Variants in PIKFYVE observed in about 807,000 individuals in gnomAD.
PIKFYVE encodes the protein 1-phosphatidylinositol 3-phosphate 5-kinase.
In PIKFYVE, 122 loss-of-function variants were observed where a neutral mutation model predicts 257.9. The ratio of observed to expected loss-of-function variants is 0.47; its 90% CI spans 0.41 to 0.55. The LOEUF (loss-of-function observed/expected upper bound fraction) is 0.55. PIKFYVE is among the 20% of genes least tolerant of loss of function. PIKFYVE has a pLI of 0.00. For synonymous variants in PIKFYVE, 892 were observed against 868.9 expected, an observed-to-expected ratio of 1.03 and a Z score of -0.47; for missense variants, 2,160 against 2,536.6, an observed-to-expected ratio of 0.85 and a Z score of 3.19.
At chr2:208,347,363 AAAG>A (rs1444920745) in intron 34 of PIKFYVE, among the ~76,000 whole-genome samples, 1 of 152,244 alleles carries the variant, frequency 6.6e-6, no homozygotes, top group Non-Finnish European at 1.5e-5. Context: ...AAGATGCTAA[AAAG>A]GAAATCTTAT....
At chr2:208,325,242 T>G (rs200599714) in intron 19 of PIKFYVE, 28 bp from the exon 20 acceptor site, 10 of 1,607,538 alleles carry the variant, frequency 6.2e-6, no homozygotes, top group Non-Finnish European at 8.5e-6. Context: ...CTCCACCATC[T>G]TAACTTTCTG....
chr2:208,276,913 C>A, intron 4 of PIKFYVE, 83 bp downstream of exon 4: 1 of 1,148,822 alleles, frequency 8.7e-7, no homozygotes, highest in Non-Finnish European at 1.3e-6. Context: ...CTTAATGCCA[C>A]TGAAAGAAAG....
chr2:208,283,758 A>AT (rs60446438), intron 5 of PIKFYVE, among the ~76,000 whole-genome samples: 4,588 of 151,972 alleles, frequency 0.03, 216 homozygotes, highest in African/African-American at 0.091. Context: ...CTAGTTTTGT[A>AT]TTTTTTATTG....
intron 7 of PIKFYVE, among the ~76,000 whole-genome samples, chr2:208,295,588 G>A (rs898123450): frequency 1.3e-5 from 2 of 152,166 alleles, no homozygotes; most frequent in Non-Finnish European, 2.9e-5. Flanking sequence ...TTTATCAAAA[G>A]CTTCCTATGA....
chr2:208,347,859 C>G lies in PIKFYVE; in HGVS notation c.5210C>G (p.Thr1737Ser). 1 of 1,611,084 alleles carries G rather than the reference C, an allele frequency of 6.2e-7. No homozygotes were observed. The highest frequency in any genetic ancestry group is 8.5e-7 in the Non-Finnish European group (1 of 1,178,516). ...NRTTETEPQP[T>S]KKASGMLSFF... ...TTAATATGTTACTTCTTATTTTTAG[C>G]CAAAAAGGCTTCTGGAATGTTGTCC... Residue 1737 changes from threonine to serine, a missense_variant and splice_region_variant, in exon 35 of 42, where the codon ACC (threonine) becomes AGC (serine). Coordinates refer to ENST00000264380, the MANE Select transcript of PIKFYVE (RefSeq NM_015040.4).
intron 2 of PIKFYVE, among the ~76,000 whole-genome samples, chr2:208,272,569 A>G (rs1486086583): frequency 2.0e-5 from 3 of 152,184 alleles, no homozygotes; most frequent in African/African-American, 7.2e-5. Flanking sequence ...TATGTCTTTT[A>G]CTTGGGACAA....
intron 1 of PIKFYVE, chr2:208,269,932 C>A: frequency 3.9e-6 from 1 of 255,476 alleles, no homozygotes; most frequent in South Asian, 7.3e-5. Flanking sequence ...CCTGCTGGTT[C>A]CTCCCAGAAT....
chr2:208,354,053 C>T lies in PIKFYVE; in HGVS notation c.6000C>T (p.Thr2000=). 3 of 1,614,024 alleles carry T rather than the reference C, an allele frequency of 1.9e-6. No individual in the cohort carries two copies. Among genetic ancestry groups the T allele is most frequent in the Non-Finnish European group, 2.5e-6 (3 of 1,179,966 alleles). ...CTCATTCCAAAGCTGTGCTGAGAACCTCGATCCATAGTGACTCCCATTTCC... is the reference window on the plus strand; with the variant it reads ...CTCATTCCAAAGCTGTGCTGAGAACTTCGATCCATAGTGACTCCCATTTCC... ...IRSHSKAVLR[T]SIHSDSHFLS... Residue 2000 remains threonine, a synonymous_variant, in exon 40 of 42, where the codon ACC becomes ACT. Transcript: ENST00000264380.
rs756010524 is a variant in PIKFYVE at position 208,302,282 on chromosome 2, C to T, written c.1249C>T (p.Arg417Cys). Residue 417 changes from arginine to cysteine, a missense_variant, in exon 10 of 42, where the codon CGT becomes TGT. Physicochemically the swap from Arg to Cys is radical, Grantham distance 180. Coordinates refer to ENST00000264380, the MANE Select transcript of PIKFYVE (RefSeq NM_015040.4). The stretch of plus-strand genomic sequence containing the variant: ...AATTGGACAAGCAATGGTTGATGGA[C>T]GTTGGCTGGATTGTGTTAGTCATCA... ...IAIGQAMVDG[R>C]WLDCVSHHDQ... 7.4e-6 allele frequency: 12 copies of T among 1,613,968 alleles called. No individual in the cohort carries two copies. The highest frequency in any genetic ancestry group is 1.6e-4 in the Middle Eastern group (1 of 6,084).
intron 18 of PIKFYVE, 57 bp from the exon 19 acceptor site, chr2:208,324,854 T>A: frequency 6.3e-7 from 1 of 1,584,122 alleles, no homozygotes; most frequent in Non-Finnish European, 8.7e-7. Context: ...CAGATTAAAT[T>A]TACAAAGATT....
intron 17 of PIKFYVE, among the ~76,000 whole-genome samples, chr2:208,322,049 T>C (rs546978505): frequency 7.0e-4 from 106 of 152,298 alleles, no homozygotes; most frequent in African/African-American, 2.5e-3. Flanking sequence ...ATAACTCATG[T>C]TGGTTTCAGA....
intron 6 of PIKFYVE, among the ~76,000 whole-genome samples, chr2:208,286,351 A>T (rs2363466): frequency 1.3e-5 from 2 of 151,994 alleles, no homozygotes; most frequent in Non-Finnish European, 2.9e-5. Context: ...CATATTTCCA[A>T]GTGAAATTAG....
At chr2:208,275,044 T>G (rs1032371101) in intron 3 of PIKFYVE, among the ~76,000 whole-genome samples, 1 of 152,228 alleles carries the variant, frequency 6.6e-6, no homozygotes, top group Non-Finnish European at 1.5e-5. Context: ...TCAAGTCTGC[T>G]TGATTATTTG....
In PIKFYVE at chr2:208,315,156, TA is replaced by T. The variant is rs968101228; in HGVS notation, c.1827-35del. The T allele has an allele frequency of 2.6e-6, 4 of 1,554,938 alleles. No individual in the cohort carries two copies. The African/African-American group carries it at 4.1e-5, about 16-fold the overall frequency. ...TCAGAATTATTGTCTCTGGCAGTATTAACTATGCAAACTTCTTTCTTATAAT... is the reference window on the plus strand; with the variant it reads ...TCAGAATTATTGTCTCTGGCAGTATTACTATGCAAACTTCTTTCTTATAAT... On this transcript the variant is annotated intron_variant, in intron 14 of 41. Transcript: ENST00000264380.
chr2:208,273,832 T>C (rs1689745036), intron 3 of PIKFYVE, 99 bp downstream of exon 3: 1 of 1,480,054 alleles, frequency 6.8e-7, no homozygotes. Flanking sequence ...ACTTTCCTGC[T>C]ATTTGGAATA....
At chr2:208,268,035 G>A (rs933992883) in intron 1 of PIKFYVE, among the ~76,000 whole-genome samples, 3 of 152,212 alleles carry the variant, frequency 2.0e-5, no homozygotes, top group African/African-American at 7.2e-5. Flanking sequence ...ATATCAGAAG[G>A]CTTTGGGTAG....
chr2:208,277,297 G>C (rs1267411232), intron 4 of PIKFYVE, among the ~76,000 whole-genome samples: 1 of 151,932 alleles, frequency 6.6e-6, no homozygotes, highest in Non-Finnish European at 1.5e-5. Flanking sequence ...TTCTATCCTT[G>C]TACCAGTACC....
rs202147400 is a variant in PIKFYVE, at chr2:208,347,938, G to A, written c.5289G>A (p.Glu1763=). 1.6e-5 allele frequency: 26 copies of A among 1,613,852 alleles called. 3 individuals carry two copies. The African/African-American group carries it at 2.1e-4, about 13-fold the overall frequency. The change falls in exon 35 of 42, where the codon GAG becomes GAA. Residue 1763 remains glutamate (E), a synonymous_variant. Coordinates refer to ENST00000264380, the MANE Select transcript of PIKFYVE (RefSeq NM_015040.4). The stretch of plus-strand genomic sequence containing the variant: ...CCGATCTCTCTTCCCAGAAGAGAGA[G>A]ACCTTACGTGGAGCAGATAGTGCTT... ...KSPDLSSQKR[E]TLRGADSAYY...
chr2:208,300,799 T>C (rs1329407283), intron 8 of PIKFYVE, 138 bp from the exon 9 acceptor site: 8 of 1,010,496 alleles, frequency 7.9e-6, no homozygotes, highest in Admixed American at 2.0e-5. Flanking sequence ...GACATTTGTA[T>C]TAAATTGTGT....
Sources: gnomAD v4.1 joint callset for allele counts (sites outside exome capture counted in the v4.1 genomes callset) on GRCh38, gnomAD v4.1.1 for gene constraint, MANE v1.5 for transcripts, NCBI Gene and HGNC (gene_info 2026-07-23, HGNC 2026-07-21) for gene names.